The following SLC38A12 variants were observed in gnomAD, a reference collection of about 807,000 sequenced individuals.
SLC38A12 encodes the protein solute carrier family 38 member 12, also known as putative sodium-coupled neutral amino acid transporter 12.
At chr17:74,780,681 C>T in the SLC38A12 span, among the ~76,000 whole-genome samples, 1 of 152,138 alleles carries the variant, frequency 6.6e-6, no homozygotes, top group Non-Finnish European at 1.5e-5. Context: ...ATTACCTTTA[C>T]AGAAGGTGAA....
At chr17:74,812,505 G>A in the SLC38A12 span, among the ~76,000 whole-genome samples, 1 of 152,074 alleles carries the variant, frequency 6.6e-6, no homozygotes, top group Non-Finnish European at 1.5e-5. Flanking sequence ...ATTTAGGGAC[G>A]GGCTCATGCT....
chr17:74,832,939 T>C, the SLC38A12 span, among the ~76,000 whole-genome samples: 1 of 152,230 alleles, frequency 6.6e-6, no homozygotes, highest in African/African-American at 2.4e-5. Context: ...CTAGGTAATC[T>C]AGGTAGTGGC....
At chr17:74,794,627 A>G in the SLC38A12 span, among the ~76,000 whole-genome samples, 1 of 151,834 alleles carries the variant, frequency 6.6e-6, no homozygotes, top group Non-Finnish European at 1.5e-5. Flanking sequence ...GGCTGACACC[A>G]GAGGGGGCCC....
At chr17:74,794,804 ATCTGTC>A in the SLC38A12 span, among the ~76,000 whole-genome samples, 1 of 152,130 alleles carries the variant, frequency 6.6e-6, no homozygotes, top group Non-Finnish European at 1.5e-5. Context: ...TCATGAGCCG[ATCTGTC>A]TCTTGTCAGC....
chr17:74,807,606 C>G, the SLC38A12 span, among the ~76,000 whole-genome samples: 291 of 152,354 alleles, frequency 1.9e-3, 1 homozygote, highest in African/African-American at 6.6e-3. Context: ...ACAAGCTTCC[C>G]CTCCGCAAGT....
At chr17:74,809,801 T>C in the SLC38A12 span, among the ~76,000 whole-genome samples, 2 of 152,166 alleles carry the variant, frequency 1.3e-5, no homozygotes, top group African/African-American at 2.4e-5. Context: ...CCTGAAATCA[T>C]TCTTCCAGGT....
chr17:74,815,733 G>A, the SLC38A12 span, among the ~76,000 whole-genome samples: 4 of 152,210 alleles, frequency 2.6e-5, no homozygotes, highest in Admixed American at 6.5e-5. Context: ...TGAGTTGAGC[G>A]TTCTTGGTTT....
the SLC38A12 span, among the ~76,000 whole-genome samples, chr17:74,779,722 G>A: frequency 1.3e-5 from 2 of 152,188 alleles, no homozygotes; most frequent in Non-Finnish European, 2.9e-5. Flanking sequence ...ACCAAGACAC[G>A]GGGCAGGTCA....
At chr17:74,780,402 A>G in the SLC38A12 span, among the ~76,000 whole-genome samples, 1 of 152,238 alleles carries the variant, frequency 6.6e-6, no homozygotes, top group Non-Finnish European at 1.5e-5. Context: ...TGCCTCCTCC[A>G]GTGCAGCCAC....
the SLC38A12 span, among the ~76,000 whole-genome samples, chr17:74,815,395 A>C: frequency 6.6e-6 from 1 of 152,178 alleles, no homozygotes; most frequent in Non-Finnish European, 1.5e-5. Flanking sequence ...AGACTGTACA[A>C]GGTGTTAAAC....
At chr17:74,803,386 C>G in the SLC38A12 span, among the ~76,000 whole-genome samples, 2 of 152,122 alleles carry the variant, frequency 1.3e-5, no homozygotes. Context: ...CTCTCCCCAT[C>G]CACATCCCTG....
chr17:74,834,130 C>T, the SLC38A12 span, among the ~76,000 whole-genome samples: 2 of 152,118 alleles, frequency 1.3e-5, no homozygotes, highest in African/African-American at 2.4e-5. Context: ...TCTACCCACC[C>T]GCAGAAATCT....
the SLC38A12 span, among the ~76,000 whole-genome samples, chr17:74,818,680 T>C: frequency 6.6e-6 from 1 of 152,228 alleles, no homozygotes; most frequent in Non-Finnish European, 1.5e-5. Flanking sequence ...TCGTTCAGGC[T>C]TCCGAGCCGC....
chr17:74,838,265 C>G, the SLC38A12 span: 5 of 985,702 alleles, frequency 5.1e-6, no homozygotes, highest in Non-Finnish European at 6.0e-6. Flanking sequence ...AAAACAAATG[C>G]CCCTTCTCCA....
chr17:74,837,811 C>A, the SLC38A12 span: 8 of 986,022 alleles, frequency 8.1e-6, no homozygotes, highest in Non-Finnish European at 9.6e-6. Context: ...ATGAACTCTG[C>A]ATTTTCAACG....
the SLC38A12 span, among the ~76,000 whole-genome samples, chr17:74,810,449 A>C: frequency 6.6e-6 from 1 of 152,234 alleles, no homozygotes; most frequent in African/African-American, 2.4e-5. Context: ...GCGTTATGGC[A>C]GGTGTTGGGC....
the SLC38A12 span, chr17:74,790,253 G>T: frequency 6.2e-7 from 1 of 1,614,022 alleles, no homozygotes; most frequent in Non-Finnish European, 8.5e-7. Context: ...TTCTCATCCG[G>T]GACAACTACG....
the SLC38A12 span, chr17:74,837,444 C>T: frequency 1.0e-6 from 1 of 985,568 alleles, no homozygotes; most frequent in Non-Finnish European, 1.2e-6. Flanking sequence ...CCGTCTGCTG[C>T]CCTCGCTGCC....
the SLC38A12 span, among the ~76,000 whole-genome samples, chr17:74,835,618 T>C: frequency 3.3e-5 from 5 of 152,048 alleles, no homozygotes; most frequent in Admixed American, 3.3e-4. Context: ...CTGGCCCTCC[T>C]CTAAGAAGAC....
Sources: gnomAD v4.1 joint callset for allele counts (sites outside exome capture counted in the v4.1 genomes callset) on GRCh38, gnomAD v4.1.1 for gene constraint, MANE v1.5 for transcripts, NCBI Gene and HGNC (gene_info 2026-07-23, HGNC 2026-07-21) for gene names.